The following ESRRG variants were observed in gnomAD, a reference collection of about 807,000 sequenced individuals.
The protein encoded by ESRRG is estrogen related receptor gamma.
In ESRRG, 13 loss-of-function variants were observed where a neutral mutation model predicts 44.0. The observed-to-expected ratio is 0.30, with a 90% confidence interval of 0.19 to 0.47. ESRRG has a LOEUF of 0.47. Among genes scored for constraint, ESRRG ranks in the 20% least tolerant of loss-of-function variants. The pLI is 1.00. For synonymous variants in ESRRG, 215 were observed against 214.6 expected, an observed-to-expected ratio of 1.00 and a Z score of -0.02; for missense variants, 395 against 580.6, an observed-to-expected ratio of 0.68 and a Z score of 3.29.
intron 1 of ESRRG, among the ~76,000 whole-genome samples, chr1:217,079,715 AT>A (rs1235565659): frequency 1.3e-5 from 2 of 152,198 alleles, no homozygotes; most frequent in Non-Finnish European, 2.9e-5. Flanking sequence ...AGAATAACAC[AT>A]GTCAAGGGCT....
chr1:216,880,005 C>T (rs1346512841), intron 2 of ESRRG, among the ~76,000 whole-genome samples: 3 of 151,864 alleles, frequency 2.0e-5, no homozygotes, highest in Admixed American at 1.3e-4. Flanking sequence ...TAAAAGTAAA[C>T]TACTTTAAAA....
At chr1:216,676,317 C>T (rs1002484390) in intron 2 of ESRRG, among the ~76,000 whole-genome samples, 2 of 151,904 alleles carry the variant, frequency 1.3e-5, no homozygotes, top group Admixed American at 6.6e-5. Context: ...AATCTGAAAT[C>T]TATGAAGTTT....
At chr1:216,680,889 T>C (rs1460417703) in intron 1 of ESRRG, among the ~76,000 whole-genome samples, 1 of 152,170 alleles carries the variant, frequency 6.6e-6, no homozygotes, top group East Asian at 1.9e-4. Flanking sequence ...ACATTAACTC[T>C]AAGAGGAATG....
chr1:216,967,175 C>CG (rs958789253), intron 1 of ESRRG, among the ~76,000 whole-genome samples: 2 of 151,982 alleles, frequency 1.3e-5, no homozygotes, highest in Non-Finnish European at 2.9e-5. Context: ...CATCGCCCCC[C>CG]CTCCCCATTG....
chr1:216,656,476 T>C (rs1311617165), intron 2 of ESRRG, among the ~76,000 whole-genome samples: 1 of 152,206 alleles, frequency 6.6e-6, no homozygotes, highest in Admixed American at 6.5e-5. Flanking sequence ...TGCAATTAGT[T>C]TGCAGGCAAT....
chr1:217,117,571 C>T (rs148319112), intron 1 of ESRRG, among the ~76,000 whole-genome samples: 1,981 of 151,836 alleles, frequency 0.013, 52 homozygotes, highest in African/African-American at 0.044. Context: ...GATGACAGAG[C>T]GAGACCCTGT....
intron 5 of ESRRG, among the ~76,000 whole-genome samples, chr1:216,548,622 C>T (rs1201659657): frequency 1.3e-5 from 2 of 151,986 alleles, no homozygotes; most frequent in Admixed American, 6.6e-5. Context: ...AATCCAGCTG[C>T]GATGTCATTT....
chr1:216,950,344 A>T (rs977208981), intron 1 of ESRRG, among the ~76,000 whole-genome samples: 1 of 152,220 alleles, frequency 6.6e-6, no homozygotes, highest in Admixed American at 6.5e-5. Flanking sequence ...AGGAACACCT[A>T]GATAAATTAG....
At chr1:217,131,882 G>T (rs1475644186) in intron 1 of ESRRG, among the ~76,000 whole-genome samples, 1 of 152,148 alleles carries the variant, frequency 6.6e-6, no homozygotes, top group African/African-American at 2.4e-5. Context: ...CTGGGTTTCA[G>T]GCCTCAGCTC....
intron 2 of ESRRG, among the ~76,000 whole-genome samples, chr1:216,848,398 C>CTTTT (rs34200168): frequency 2.8e-5 from 4 of 142,864 alleles, no homozygotes; most frequent in African/African-American, 1.0e-4. Flanking sequence ...AATTTCTTGG[C>CTTTT]TTTTTTTTTT....
intron 1 of ESRRG, among the ~76,000 whole-genome samples, chr1:216,997,637 A>T (rs944741565): frequency 1.3e-5 from 2 of 152,166 alleles, no homozygotes; most frequent in African/African-American, 4.8e-5. Flanking sequence ...CTTCCTACTT[A>T]ATTTGCATAA....
intron 2 of ESRRG, among the ~76,000 whole-genome samples, chr1:216,814,752 G>A (rs970686855): frequency 1.3e-5 from 2 of 152,116 alleles, no homozygotes; most frequent in African/African-American, 2.4e-5. Context: ...CTCAGAGCCC[G>A]TTTAAATGTC....
At chr1:216,560,964 G>A (rs529984107) in intron 5 of ESRRG, among the ~76,000 whole-genome samples, 1 of 152,224 alleles carries the variant, frequency 6.6e-6, no homozygotes, top group South Asian at 2.1e-4. Context: ...AGGGCTATTA[G>A]GGCACCATCA....
chr1:216,656,482 G>A (rs1338160882), intron 2 of ESRRG, among the ~76,000 whole-genome samples: 1 of 152,158 alleles, frequency 6.6e-6, no homozygotes, highest in East Asian at 1.9e-4. Context: ...TAGTTTGCAG[G>A]CAATATAATT....
At chr1:216,519,531 G>A (rs990839625) in intron 5 of ESRRG, 110 bp from the exon 6 acceptor site, 8 of 1,056,892 alleles carry the variant, frequency 7.6e-6, no homozygotes, top group Non-Finnish European at 9.3e-6. Context: ...ATTATGCTGA[G>A]CTTTGATTAG....
At chr1:217,065,946 C>T (rs2151400632) in intron 1 of ESRRG, among the ~76,000 whole-genome samples, 1 of 152,300 alleles carries the variant, frequency 6.6e-6, no homozygotes, top group Admixed American at 6.5e-5. Context: ...CTTACATTTT[C>T]TATCAGGAGC....
intron 3 of ESRRG, among the ~76,000 whole-genome samples, chr1:216,592,794 C>T (rs2057892005): frequency 6.6e-6 from 1 of 152,178 alleles, no homozygotes; most frequent in South Asian, 2.1e-4. Flanking sequence ...GCCACCACAC[C>T]TGGGCTGGTG....
At chr1:216,576,934 C>T (rs1358253984) in intron 3 of ESRRG, among the ~76,000 whole-genome samples, 1 of 151,882 alleles carries the variant, frequency 6.6e-6, no homozygotes, top group Admixed American at 6.6e-5. Flanking sequence ...CTTACAATAC[C>T]CAATATCTCA....
chr1:217,059,121 C>T (rs1027514417), intron 1 of ESRRG, among the ~76,000 whole-genome samples: 2 of 149,370 alleles, frequency 1.3e-5, no homozygotes, highest in African/African-American at 4.9e-5. Context: ...GTCCCAGATG[C>T]CAATTTACAA....
Sources: gnomAD v4.1 joint callset for allele counts (sites outside exome capture counted in the v4.1 genomes callset) on GRCh38, gnomAD v4.1.1 for gene constraint, MANE v1.5 for transcripts, NCBI Gene and HGNC (gene_info 2026-07-23, HGNC 2026-07-21) for gene names.